Variants in RBFOX1 observed in about 807,000 individuals in gnomAD.
RBFOX1 encodes RNA binding fox-1 homolog 1, also known as RNA binding protein fox-1 homolog 1.
A neutral mutation model predicts 57.7 loss-of-function variants in RBFOX1; 8 were observed. That is an observed-to-expected ratio of 0.14 (90% CI 0.08 to 0.25). The LOEUF (loss-of-function observed/expected upper bound fraction) is 0.25, where lower values mean the gene tolerates loss of function less well. Among genes scored for constraint, RBFOX1 ranks in the 10% least tolerant of loss-of-function variants. The pLI, the probability that RBFOX1 is intolerant of heterozygous loss-of-function variation, is 1.00. For missense variants in RBFOX1, 611 were observed against 548.5 expected (o/e 1.11, Z -1.14); for synonymous variants, 326 against 222.4 (o/e 1.47, Z -4.15).
chr16:7,697,697 C>G (rs1014470010), intron 14 of RBFOX1, among the ~76,000 whole-genome samples: 1 of 152,258 alleles, frequency 6.6e-6, no homozygotes, highest in African/African-American at 2.4e-5. Context: ...TGCCAAAACC[C>G]TTCCCCTGGG....
At chr16:7,161,034 T>A (rs959519830) in intron 4 of RBFOX1, among the ~76,000 whole-genome samples, 1 of 152,036 alleles carries the variant, frequency 6.6e-6, no homozygotes, top group South Asian at 2.1e-4. Context: ...TTGTTGTCAG[T>A]GTTTTGGTTC....
In RBFOX1 at chr16:6,625,023, G is replaced by T. The variant is rs143594600; in HGVS notation, c.-63-29580G>T. On this transcript the variant is annotated intron_variant, in intron 2 of 15. Coordinates refer to ENST00000550418, the MANE Select transcript of RBFOX1 (RefSeq NM_018723.4). ...CTACTAAAAATACAAAAATTAGCTGGGTGTGGTGTCGCAGGCTTATAATCC... is the reference window on the plus strand; with the variant it reads ...CTACTAAAAATACAAAAATTAGCTGTGTGTGGTGTCGCAGGCTTATAATCC... Among the ~76,000 whole-genome samples, 1,342 of 151,960 alleles carry T rather than the reference G, an allele frequency of 8.8e-3. 21 individuals are homozygous for T. Among genetic ancestry groups the T allele is most frequent in the African/African-American group, 0.031 (1,266 of 41,404 alleles).
Position 7,340,425 on chromosome 16 carries a change from T to C in RBFOX1, c.28-177722T>C, listed in dbSNP as rs144817824. ...TGGCTTCTCCATTCATGATCAGATT[T>C]GCCAAAGGCAGGGATGGCTGTTTTA... On this transcript the variant is annotated intron_variant, in intron 4 of 15. Transcript: ENST00000550418. Among the ~76,000 whole-genome samples, 704 of 152,338 alleles carry C rather than the reference T, an allele frequency of 4.6e-3. 8 individuals carry two copies. Among genetic ancestry groups the C allele is most frequent in the African/African-American group, 0.016 (673 of 41,578 alleles).
At chr16:5,312,337 G>A (rs1361611805) in intron 1 of RBFOX1, among the ~76,000 whole-genome samples, 4 of 152,046 alleles carry the variant, frequency 2.6e-5, no homozygotes, top group Non-Finnish European at 4.4e-5. Context: ...TTTCTTTTTT[G>A]AGATGGAGTC....
At chr16:6,263,502 A>C (rs1004199738) in intron 1 of RBFOX1, among the ~76,000 whole-genome samples, 1 of 152,168 alleles carries the variant, frequency 6.6e-6, no homozygotes, top group Non-Finnish European at 1.5e-5. Flanking sequence ...GCCTCCATTT[A>C]TGAAACCATT....
In RBFOX1 at chr16:5,718,366, A is replaced by G. The variant is rs530358167; in HGVS notation, c.318+119405A>G. On this transcript the variant is annotated intron_variant, in intron 3 of 19. Transcript: ENST00000641259. ...GCCTAAGTCATCCAATCTCCACCTG[A>G]CCCACAGACACATATGTGAGAATAA... Among the ~76,000 whole-genome samples, 23 of 152,314 alleles carry G rather than the reference A, an allele frequency of 1.5e-4. No homozygotes were observed. In the South Asian group the frequency reaches 4.8e-3, roughly 32 times the overall value.
At chr16:7,600,676 T>C (rs1857951) in intron 9 of RBFOX1, among the ~76,000 whole-genome samples, 39,350 of 152,160 alleles carry the variant, frequency 0.26, 5,510 homozygotes, top group African/African-American at 0.37. Flanking sequence ...TGATGAAATA[T>C]AGTTATCAAT....
chr16:5,409,988 C>T (rs1244696920), intron 1 of RBFOX1, among the ~76,000 whole-genome samples: 1 of 149,838 alleles, frequency 6.7e-6, no homozygotes, highest in Non-Finnish European at 1.5e-5. Flanking sequence ...GCAGAGGTTG[C>T]AGTGAGCTGA....
rs117118103 is a variant in RBFOX1 at position 7,640,272 on chromosome 16, C to G, written c.757+9589C>G. Among the ~76,000 whole-genome samples the G allele has an allele frequency of 7.2e-3, 1,097 of 152,320 alleles. 7 individuals carry two copies. Among genetic ancestry groups the G allele is most frequent in the Non-Finnish European group, 0.01 (712 of 68,024 alleles). On this transcript the variant is annotated intron_variant, in intron 11 of 15. Transcript: ENST00000550418. Reference sequence around the variant, plus strand: ...AAACCACTAGTAGAACCTCTCACCCCCAGTTGTTTAAAGGGAAAGTTCTGC... The same window carrying G: ...AAACCACTAGTAGAACCTCTCACCCGCAGTTGTTTAAAGGGAAAGTTCTGC...
chr16:7,332,369 T>G (rs1300695342), intron 4 of RBFOX1, among the ~76,000 whole-genome samples: 2 of 152,226 alleles, frequency 1.3e-5, no homozygotes, highest in Non-Finnish European at 2.9e-5. Flanking sequence ...AGCTGGCTGG[T>G]AGTTTTATCT....
intron 3 of RBFOX1, chr16:7,004,056 C>T (rs1019485981): frequency 1.3e-5 from 2 of 151,242 alleles, no homozygotes; most frequent in African/African-American, 4.9e-5. Context: ...GCACAGGTGC[C>T]ATACCACCTT....
chr16:7,384,410 C>G (rs181072215), intron 4 of RBFOX1, among the ~76,000 whole-genome samples: 12 of 152,218 alleles, frequency 7.9e-5, no homozygotes, highest in Non-Finnish European at 7.4e-5. Context: ...AAACATGGCT[C>G]TCCTGGTATT....
At chr16:6,410,186 G>A (rs958372462) in intron 2 of RBFOX1, among the ~76,000 whole-genome samples, 7 of 151,476 alleles carry the variant, frequency 4.6e-5, no homozygotes, top group Middle Eastern at 3.4e-3. Flanking sequence ...GTGTGTGTGT[G>A]TGTGTGTGTG....
At chr16:6,111,222 G>A (rs1323047476) in intron 1 of RBFOX1, among the ~76,000 whole-genome samples, 1 of 152,190 alleles carries the variant, frequency 6.6e-6, no homozygotes, top group Non-Finnish European at 1.5e-5. Flanking sequence ...TGGAACAGAC[G>A]TCTCATCAGT....
chr16:6,663,551 T>G (rs572669967), intron 3 of RBFOX1, among the ~76,000 whole-genome samples: 1 of 152,186 alleles, frequency 6.6e-6, no homozygotes, highest in Non-Finnish European at 1.5e-5. Flanking sequence ...GGAGTATTCA[T>G]GAAGGAGTTT....
chr16:6,416,556 C>T (rs533646074), intron 2 of RBFOX1, among the ~76,000 whole-genome samples: 20 of 152,102 alleles, frequency 1.3e-4, no homozygotes, highest in African/African-American at 4.6e-4. Context: ...AACTCAGAAA[C>T]AGATAAGAAA....
intron 3 of RBFOX1, among the ~76,000 whole-genome samples, chr16:7,007,180 G>T (rs1044255026): frequency 6.6e-6 from 1 of 152,304 alleles, no homozygotes; most frequent in South Asian, 2.1e-4. Context: ...TTTCCTTGCA[G>T]CTGTAAAGCT....
Position 6,997,875 on chromosome 16 carries a change from A to G in RBFOX1, c.-15-54182A>G, listed in dbSNP as rs375607504. ...AAACAGTTATCAGAACACCAGTTTAATTGTCTGAAGGTTGTGCACTACATG... is the reference window on the plus strand; with the variant it reads ...AAACAGTTATCAGAACACCAGTTTAGTTGTCTGAAGGTTGTGCACTACATG... On this transcript the variant is annotated intron_variant, in intron 3 of 15. Coordinates refer to ENST00000550418, the MANE Select transcript of RBFOX1 (RefSeq NM_018723.4). 3.3e-4 allele frequency among the ~76,000 whole-genome samples: 50 copies of G among 152,266 alleles called. 1 individual carries two copies. In the East Asian group the frequency reaches 4.8e-3, roughly 15 times the overall value.
At position 5,384,247 on chromosome 16, in the gene RBFOX1, C is replaced by T. The variant is rs1173937426; in HGVS notation, c.220-82969C>T. ...GGTCAGGGTGGAGTCATCTCACTCC[C>T]TACCTGGACTGAAAGTGGGAAGGAA... is the stretch of plus-strand genomic sequence containing the variant. On this transcript the variant is annotated intron_variant, in intron 1 of 2. Transcript: ENST00000585867. Among the ~76,000 whole-genome samples, 4 of 152,196 alleles carry T rather than the reference C, an allele frequency of 2.6e-5. No homozygotes were observed. The East Asian group carries it at 7.7e-4, about 29-fold the overall frequency.
Sources: allele counts gnomAD v4.1 joint callset (sites outside exome capture counted in the v4.1 genomes callset), GRCh38; gene constraint gnomAD v4.1.1; transcripts MANE v1.5; gene names NCBI Gene and HGNC (gene_info 2026-07-23, HGNC 2026-07-21).